CHN2: variants seen among roughly 807,000 people sequenced by gnomAD.
The protein encoded by CHN2 is chimerin 2.
CHN2 carries 35 observed loss-of-function variants against 56.3 expected under a neutral mutation model. That is an observed-to-expected ratio of 0.62 (90% CI 0.47 to 0.82). The LOEUF (loss-of-function observed/expected upper bound fraction) is 0.82. Among genes scored for constraint, CHN2 ranks in the 40% least tolerant of loss-of-function variants. The pLI is 0.00. For missense variants in CHN2, 491 were observed against 580.5 expected, an observed-to-expected ratio of 0.85 and a Z score of 1.58; for synonymous variants, 210 against 212.8, an observed-to-expected ratio of 0.99 and a Z score of 0.12.
chr7:29,158,115 A>T (rs947758401), intron 2 of CHN2, among the ~76,000 whole-genome samples: 1 of 152,188 alleles, frequency 6.6e-6, no homozygotes, highest in Non-Finnish European at 1.5e-5. Flanking sequence ...TCCACTGAAC[A>T]CTGGTTAAGA....
chr7:29,317,874 C>T (rs1032899501), intron 1 of CHN2, among the ~76,000 whole-genome samples: 2 of 152,110 alleles, frequency 1.3e-5, no homozygotes, highest in Admixed American at 6.5e-5. Context: ...GTACATGTTA[C>T]GCCGGAGGCT....
At chr7:29,292,163 G>A (rs1388425220) in intron 1 of CHN2, among the ~76,000 whole-genome samples, 1 of 152,176 alleles carries the variant, frequency 6.6e-6, no homozygotes, top group Non-Finnish European at 1.5e-5. Flanking sequence ...AGGATGGAGC[G>A]AGAGACGGGC....
In CHN2 at chr7:29,513,569, T is replaced by C. The variant is rs1382603138; in HGVS notation, c.*834T>C. 6.6e-6 allele frequency: 1 copy of C among 151,950 alleles called. No individual in the cohort carries two copies. Among genetic ancestry groups the C allele is most frequent in the African/African-American group, 2.4e-5 (1 of 41,318 alleles). 9.4% of individuals were successfully genotyped at this position (151,950 alleles called of 1,614,324 possible). On this transcript the variant is annotated 3_prime_UTR_variant, in exon 13 of 13. Coordinates refer to ENST00000222792, the MANE Select transcript of CHN2 (RefSeq NM_004067.4). ...CAGAATGCGGTCATTTTACCTGAAA[T>C]TATTTGAGAACACTGGATGTATCTG...
At chr7:29,422,692 GC>G (rs1562594938) in intron 6 of CHN2, among the ~76,000 whole-genome samples, 1 of 152,150 alleles carries the variant, frequency 6.6e-6, no homozygotes, top group Non-Finnish European at 1.5e-5. Context: ...AGATGTCAGG[GC>G]TATTACCTGT....
At chr7:29,380,797 G>C (rs923217943) in intron 3 of CHN2, 4 of 152,106 alleles carry the variant, frequency 2.6e-5, no homozygotes, top group Middle Eastern at 3.2e-3. Context: ...CAAGCTCTTT[G>C]GGCTTAAAAG....
At chr7:29,234,669 T>A (rs954255178) in intron 1 of CHN2, among the ~76,000 whole-genome samples, 2 of 152,222 alleles carry the variant, frequency 1.3e-5, no homozygotes, top group Non-Finnish European at 1.5e-5. Context: ...TCAGTCAAAC[T>A]GAAACTTTAA....
chr7:29,347,091 T>C (rs184965125), intron 1 of CHN2, among the ~76,000 whole-genome samples: 1 of 152,302 alleles, frequency 6.6e-6, no homozygotes, highest in East Asian at 1.9e-4. Flanking sequence ...CTGTGAGTTT[T>C]CTAACTGAGT....
intron 6 of CHN2, among the ~76,000 whole-genome samples, chr7:29,431,164 A>G (rs1782835985): frequency 6.6e-6 from 1 of 152,146 alleles, no homozygotes. Flanking sequence ...ACATTTAGGG[A>G]AGTTTTGCCC....
intron 6 of CHN2, among the ~76,000 whole-genome samples, chr7:29,412,815 G>A (rs969154195): frequency 7.1e-6 from 1 of 141,048 alleles, no homozygotes. Context: ...TTGGGAACCT[G>A]TAGACTCTGA....
At chr7:29,321,974 A>G (rs764419842) in intron 1 of CHN2, among the ~76,000 whole-genome samples, 1 of 152,198 alleles carries the variant, frequency 6.6e-6, no homozygotes, top group Non-Finnish European at 1.5e-5. Context: ...TTTAAGGCAT[A>G]CTGTGTTAAA....
intron 2 of CHN2, among the ~76,000 whole-genome samples, chr7:29,359,371 G>C (rs1798557118): frequency 6.6e-6 from 1 of 152,156 alleles, no homozygotes; most frequent in Non-Finnish European, 1.5e-5. Flanking sequence ...ATAAATTATA[G>C]TGTTCATTAA....
chr7:29,393,746 A>G, intron 4 of CHN2, 36 bp downstream of exon 4: 1 of 684,476 alleles, frequency 1.5e-6, no homozygotes, highest in South Asian at 2.0e-5. Context: ...TAATAATTTA[A>G]TAAGTAGTCA....
intron 1 of CHN2, among the ~76,000 whole-genome samples, chr7:29,265,795 GAGAGCATCCT>G (rs1790092987): frequency 6.6e-6 from 1 of 152,300 alleles, no homozygotes; most frequent in South Asian, 2.1e-4. Flanking sequence ...CTGTAGTACA[GAGAGCATCCT>G]CTGTCTTGAT....
chr7:29,269,905 G>A lies in CHN2; in HGVS notation c.49+74915G>A, dbSNP rs141232639. 6.4e-3 allele frequency among the ~76,000 whole-genome samples: 972 copies of A among 152,214 alleles called. 14 individuals are homozygous for A. The highest frequency in any genetic ancestry group is 0.022 in the African/African-American group (924 of 41,522). On this transcript the variant is annotated intron_variant, in intron 1 of 12. Transcript: ENST00000222792. ...GGCTTCTGACCCTCCCTCATTTTCT[G>A]GTTCATCAGATGAAATAATACCACC...
At position 29,293,336 on chromosome 7, in the gene CHN2, A is replaced by G. The variant is rs377080798; in HGVS notation, c.50-61289A>G. Among the ~76,000 whole-genome samples the G allele has an allele frequency of 1.0e-3, 122 of 116,882 alleles. 2 individuals are homozygous for G. Among genetic ancestry groups the G allele is most frequent in the African/African-American group, 3.6e-3 (112 of 31,476 alleles). The allele number at this position is 116,882 out of a possible 152,430, so 76.7% of individuals were successfully genotyped here. ...CGGGCTTTGACCCATCACTCTACCT[A>G]CACCCTTCTTCTGAGGGCAGCTAAT... On this transcript the variant is annotated intron_variant, in intron 1 of 12. Transcript: ENST00000222792.
intron 1 of CHN2, among the ~76,000 whole-genome samples, chr7:29,321,793 C>T (rs1348476581): frequency 6.6e-6 from 1 of 152,052 alleles, no homozygotes. Context: ...TGGTCTCGAC[C>T]TCCTGACCTC....
At chr7:29,264,674 C>A (rs1014286530) in intron 1 of CHN2, among the ~76,000 whole-genome samples, 3 of 151,916 alleles carry the variant, frequency 2.0e-5, no homozygotes, top group African/African-American at 7.3e-5. Flanking sequence ...ACAAACACTG[C>A]GGAAGGCGGC....
chr7:29,364,531 A>ATGCCT (rs1433727427), intron 2 of CHN2, among the ~76,000 whole-genome samples: 8 of 152,230 alleles, frequency 5.3e-5, no homozygotes, highest in Non-Finnish European at 1.2e-4. Context: ...TGGCCATTGC[A>ATGCCT]TGCTCATTAA....
intron 2 of CHN2, among the ~76,000 whole-genome samples, chr7:29,180,450 C>A (rs968739149): frequency 6.6e-6 from 1 of 151,886 alleles, no homozygotes; most frequent in Non-Finnish European, 1.5e-5. Context: ...TCACTTGAAC[C>A]TAGGAGGCGG....
Sources: allele counts gnomAD v4.1 joint callset (sites outside exome capture counted in the v4.1 genomes callset), GRCh38; gene constraint gnomAD v4.1.1; transcripts MANE v1.5; gene names NCBI Gene and HGNC (gene_info 2026-07-23, HGNC 2026-07-21).